The following NLRP7 variants were observed in gnomAD, a reference collection of about 807,000 sequenced individuals.
The protein encoded by NLRP7 is NLR family pyrin domain containing 7, also known as NACHT, LRR and PYD domains-containing protein 7.
In NLRP7, 72 loss-of-function variants were observed where a neutral mutation model predicts 85.5. The ratio of observed to expected loss-of-function variants is 0.84; its 90% confidence interval spans 0.70 to 1.02. The LOEUF is 1.02. Ranked by LOEUF, NLRP7 falls within the 50% of genes least tolerant of loss-of-function variation. NLRP7 has a pLI of 0.00. For synonymous variants in NLRP7, 550 were observed against 505.2 expected (o/e 1.09, Z -1.19); for missense variants, 1,243 against 1,219.5 (o/e 1.02, Z -0.29).
Position 54,934,924 on chromosome 19 carries a change from T to C in NLRP7, c.2301-265A>G, listed in dbSNP as rs1446018316. ...GTTGGCCACACTGGTCTTGAACTCC[T>C]GACCTCAGGTGATCCACCCACCTTG... On this transcript the variant is annotated intron_variant, in intron 6 of 9. Coordinates refer to ENST00000340844, the Ensembl canonical transcript of NLRP7. This position sits in a 1 kb window ranked among gnomAD's most constrained non-coding sequence, Gnocchi z 6.7. Among the ~76,000 whole-genome samples the C allele has an allele frequency of 6.6e-6, 1 of 152,142 alleles. No homozygotes were observed. Among genetic ancestry groups the C allele is most frequent in the African/African-American group, 2.4e-5 (1 of 41,454 alleles).
rs763665461 is a variant in NLRP7 at position 54,939,005 on chromosome 19, A to C, written c.1814T>G (p.Met605Arg). The C allele has an allele frequency of 4.3e-6, 7 of 1,614,116 alleles. No individual in the cohort carries two copies. The South Asian group carries it at 7.7e-5, about 18-fold the overall frequency. Reference sequence around the variant, plus strand: ...ATGCTTCAGGCTGAAGGAACAATGCATCACTTCAGAAGTATTTGTCAGGTG... The same window carrying C: ...ATGCTTCAGGCTGAAGGAACAATGCCTCACTTCAGAAGTATTTGTCAGGTG... Residue 605 changes from methionine (M) to arginine (R), a missense_variant, in exon 4 of 10, where the codon ATG (methionine) becomes AGG (arginine). Physicochemically the swap from Met to Arg is moderately conservative, Grantham distance 91. Transcript: ENST00000340844.
chr19:54,952,051 C>T (rs1268003772), upstream of NLRP7, among the ~76,000 whole-genome samples: 1 of 152,102 alleles, frequency 6.6e-6, no homozygotes, highest in East Asian at 1.9e-4. Flanking sequence ...CGCGCCCGGC[C>T]CCATTAGACA....
intron 1 of NLRP7, among the ~76,000 whole-genome samples, chr19:54,945,957 T>C (rs1166548115): frequency 6.6e-6 from 1 of 151,008 alleles, no homozygotes; most frequent in East Asian, 2.0e-4. Context: ...GCCCAGCTAA[T>C]TTTTTTTGTA....
At chr19:54,939,732 G>C in exon 4 of NLRP7, 1 of 1,613,540 alleles carries the variant, frequency 6.2e-7, no homozygotes, top group Non-Finnish European at 8.5e-7. Flanking sequence ...CACACCGCGG[G>C]GGCCGAGCCC....
chr19:54,954,249 C>T (rs967010794), intron 1 of NLRP7, among the ~76,000 whole-genome samples: 5 of 148,126 alleles, frequency 3.4e-5, no homozygotes, highest in Admixed American at 2.7e-4. Flanking sequence ...GGCAACCGGC[C>T]GGGCGCGGTG....
At position 54,942,436 on chromosome 19, in the gene NLRP7, A is replaced by G. The variant is rs780852523; in HGVS notation, c.-39-686T>C. On this transcript the variant is annotated intron_variant, in intron 1 of 9. Coordinates refer to ENST00000340844, the Ensembl canonical transcript of NLRP7. ...GAGTGTTTATGCCACAGAAATCAGC[A>G]AACACGGCAGGGCGCGGTGGCTCAC... Among the ~76,000 whole-genome samples, 140 of 151,934 alleles carry G rather than the reference A, an allele frequency of 9.2e-4. 2 individuals are homozygous for G. The highest frequency in any genetic ancestry group is 1.7e-3 in the Non-Finnish European group (114 of 67,944).
At position 54,964,536 on chromosome 19, in the gene NLRP7, C is replaced by T. The variant is rs557941905; in HGVS notation, c.-77+1504G>A. 9.1e-4 allele frequency among the ~76,000 whole-genome samples: 136 copies of T among 149,884 alleles called. 1 individual carries two copies. Among genetic ancestry groups the T allele is most frequent in the African/African-American group, 3.2e-3 (131 of 41,040 alleles). On this transcript the variant is annotated intron_variant, in intron 1 of 2. Coordinates refer to the NLRP7 transcript ENST00000587103. ...CGGCTATATGTTTACAAAATTAATA[C>T]TGCCAGCCAGGCACGGTGGCTCACG...
At chr19:54,963,460 C>T (rs813531) in intron 1 of NLRP7, among the ~76,000 whole-genome samples, 43,735 of 151,508 alleles carry the variant, frequency 0.29, 6,783 homozygotes, top group African/African-American at 0.41. Flanking sequence ...GAGGCCGAGG[C>T]GGGCGGATCA....
intron 9 of NLRP7, chr19:54,927,668 TTCCACAAATGATTCTGGCCCAGG>T: frequency 6.2e-7 from 1 of 1,614,170 alleles, no homozygotes; most frequent in Non-Finnish European, 8.5e-7. Flanking sequence ...TATGCCACTC[TTCCACAAATGATTCTGGCCCAGG>T]TCCAGAGTTT....
chr19:54,947,911 TC>T, upstream of NLRP7: 1 of 271,036 alleles, frequency 3.7e-6, no homozygotes, highest in Non-Finnish European at 7.3e-6. Context: ...GGACAAAAAC[TC>T]CCGTGACTTC....
At chr19:54,944,262 T>C (rs954339467) in intron 1 of NLRP7, among the ~76,000 whole-genome samples, 1 of 150,596 alleles carries the variant, frequency 6.6e-6, no homozygotes, top group Non-Finnish European at 1.5e-5. Context: ...TAAAACCCGA[T>C]GGTATGTTCC....
chr19:54,953,961 C>T lies in NLRP7; in HGVS notation c.-76-6456G>A, dbSNP rs1257663293. Reference sequence around the variant, plus strand: ...GATGGAGCTTGCAGTGAGCGGAGATCGCGCCACTGCACTCCAGCCTGGGTG... The same window carrying T: ...GATGGAGCTTGCAGTGAGCGGAGATTGCGCCACTGCACTCCAGCCTGGGTG... On this transcript the variant is annotated intron_variant, in intron 1 of 2. Transcript: ENST00000587103. Among the ~76,000 whole-genome samples the T allele has an allele frequency of 4.0e-5, 6 of 151,396 alleles. No individual in the cohort carries two copies. The East Asian group carries it at 1.2e-3, about 30-fold the overall frequency.
Position 54,927,557 on chromosome 19 carries a change from A to G in NLRP7, c.2810+2942T>C, listed in dbSNP as rs1186775539. On this transcript the variant is annotated intron_variant, in intron 9 of 9. Coordinates refer to ENST00000340844, the Ensembl canonical transcript of NLRP7. ...AATGACAGAGCACGACTCCATCTCA[A>G]AAAAACAAAAACAAAAAACAAAACA... The G allele has an allele frequency of 1.9e-6, 3 of 1,553,262 alleles. No individual in the cohort carries two copies. The East Asian group carries it at 7.1e-5, about 37-fold the overall frequency.
intron 9 of NLRP7, among the ~76,000 whole-genome samples, chr19:54,929,289 T>C (rs950930343): frequency 3.3e-5 from 5 of 152,018 alleles, no homozygotes; most frequent in African/African-American, 9.7e-5. Flanking sequence ...CGCTTGAACC[T>C]TGGAGGCTGA....
At chr19:54,962,685 C>T (rs888476817) in intron 1 of NLRP7, among the ~76,000 whole-genome samples, 9 of 150,926 alleles carry the variant, frequency 6.0e-5, no homozygotes, top group Admixed American at 4.6e-4. Context: ...CTGCAAGCTC[C>T]GCCTCCCGGG....
intron 1 of NLRP7, among the ~76,000 whole-genome samples, chr19:54,942,308 T>C (rs928186963): frequency 6.8e-5 from 10 of 147,852 alleles, no homozygotes; most frequent in South Asian, 4.3e-4. Context: ...GGGTCAGTGG[T>C]ATGCTAGGGC....
intron 2 of NLRP7, among the ~76,000 whole-genome samples, 161 bp downstream of exon 2, chr19:54,941,274 A>T (rs2069207568): frequency 6.7e-6 from 1 of 149,148 alleles, no homozygotes; most frequent in South Asian, 2.2e-4. Flanking sequence ...GGAGGCTGAG[A>T]TAGGAGAATC....
At chr19:54,942,549 C>T (rs547731332) in intron 1 of NLRP7, among the ~76,000 whole-genome samples, 1 of 143,026 alleles carries the variant, frequency 7.0e-6, no homozygotes, top group Non-Finnish European at 1.5e-5. Flanking sequence ...CACGGCGAAA[C>T]CCCATCTCTA....
Position 54,940,988 on chromosome 19 carries a change from C to A in NLRP7, c.295G>T (p.Glu99Ter), listed in dbSNP as rs104895507. 6.2e-7 allele frequency: 1 copy of A among 1,611,794 alleles called. No homozygotes were observed. Among genetic ancestry groups the A allele is most frequent in the Non-Finnish European group, 8.5e-7 (1 of 1,177,922 alleles). The change falls in exon 3 of 10, where the codon GAA becomes TAA. Residue 99 changes from glutamate to a stop codon, truncating the protein, a stop_gained. Coordinates refer to ENST00000340844, the Ensembl canonical transcript of NLRP7. LOFTEE classifies it high-confidence loss of function. ...TCTCCCAGCTCAGGATTATCTATTT[C>A]TTGCACCTGTCCGTCCTCTGTAAAA...
Sources: allele counts gnomAD v4.1 joint callset (sites outside exome capture counted in the v4.1 genomes callset), GRCh38; gene constraint gnomAD v4.1.1; non-coding constraint Gnocchi (gnomAD v3.1); transcripts MANE v1.5; gene names NCBI Gene and HGNC (gene_info 2026-07-23, HGNC 2026-07-21).